UBE2C: variants seen among roughly 807,000 people sequenced by gnomAD.
The protein encoded by UBE2C is ubiquitin-conjugating enzyme E2 C.
In UBE2C, 16 loss-of-function variants were observed where a neutral mutation model predicts 23.5. The ratio of observed to expected loss-of-function variants is 0.68; its 90% CI spans 0.46 to 1.03. UBE2C has a LOEUF of 1.03. Among genes scored for constraint, UBE2C ranks in the 50% least tolerant of loss-of-function variants. The pLI is 0.00. For synonymous variants in UBE2C, 76 were observed against 91.6 expected, an observed-to-expected ratio of 0.83 and a Z score of 0.97; for missense variants, 192 against 227.6, an observed-to-expected ratio of 0.84 and a Z score of 1.01.
intron 1 of UBE2C, 178 bp downstream of exon 1, chr20:45,812,974 G>C: frequency 1.4e-6 from 2 of 1,431,968 alleles, no homozygotes; most frequent in Non-Finnish European, 1.8e-6. Flanking sequence ...TGTCGAGGGC[G>C]GAGACTTCCG....
At chr20:45,816,003 G>A (rs1171960901) in intron 5 of UBE2C, 90 bp downstream of exon 5, 5 of 1,458,242 alleles carry the variant, frequency 3.4e-6, no homozygotes, top group Non-Finnish European at 4.7e-6. Context: ...CTTGGGACCG[G>A]GTTGGTTGGG....
chr20:45,813,322 G>T, intron 1 of UBE2C, 115 bp from the exon 2 acceptor site: 2 of 1,598,696 alleles, frequency 1.3e-6, no homozygotes, highest in Non-Finnish European at 1.7e-6. Flanking sequence ...CCTGACCTTG[G>T]TGATGTGGGG....
At chr20:45,813,613 C>G (rs1226117738) in intron 2 of UBE2C, 149 bp downstream of exon 2, 5 of 999,474 alleles carry the variant, frequency 5.0e-6, no homozygotes, top group Non-Finnish European at 7.8e-6. Context: ...ACCATTTCTT[C>G]CAGCAGTCCC....
Position 45,812,813 on chromosome 20 carries a change from A to C in UBE2C, c.101+17A>C. On this transcript the variant is annotated intron_variant, in intron 1 of 5. Coordinates refer to ENST00000356455, the MANE Select transcript of UBE2C (RefSeq NM_007019.4). ...GGGCAAAAGGTGAGTGATGCGGCCTACCACTCGCCGGGCCTGCCATGCCCT... is the reference window on the plus strand; with the variant it reads ...GGGCAAAAGGTGAGTGATGCGGCCTCCCACTCGCCGGGCCTGCCATGCCCT... 1.3e-6 allele frequency: 2 copies of C among 1,549,454 alleles called. No homozygotes were observed. The highest frequency in any genetic ancestry group is 1.4e-5 in the African/African-American group (1 of 73,220).
chr20:45,813,311 G>C (rs1401518464), intron 1 of UBE2C, 126 bp from the exon 2 acceptor site: 2 of 1,590,150 alleles, frequency 1.3e-6, no homozygotes, highest in African/African-American at 2.7e-5. Context: ...CCTGAGCTGA[G>C]CCTGACCTTG....
chr20:45,813,478 T>C lies in UBE2C; in HGVS notation c.129+14T>C. 6.2e-7 allele frequency: 1 copy of C among 1,614,140 alleles called. No individual in the cohort carries two copies. On this transcript the variant is annotated intron_variant, in intron 2 of 5. Coordinates refer to ENST00000356455, the MANE Select transcript of UBE2C (RefSeq NM_007019.4). Reference sequence around the variant, plus strand: ...ATGACCCTCATGGTGAGTGATTAAGTGCCCAGAACCCCAGCCTTCCATCCA... The same window carrying C: ...ATGACCCTCATGGTGAGTGATTAAGCGCCCAGAACCCCAGCCTTCCATCCA...
chr20:45,813,300 C>T (rs1601039445), intron 1 of UBE2C, 137 bp from the exon 2 acceptor site: 1 of 1,576,294 alleles, frequency 6.3e-7, no homozygotes, highest in Non-Finnish European at 8.6e-7. Flanking sequence ...GGTGAGTATA[C>T]CCTGAGCTGA....
At chr20:45,813,576 G>A (rs919632106) in intron 2 of UBE2C, 112 bp downstream of exon 2, 4 of 1,430,272 alleles carry the variant, frequency 2.8e-6, no homozygotes, top group Non-Finnish European at 3.0e-6. Flanking sequence ...CTCCCTCCTG[G>A]GAAAGAAGTT....
At chr20:45,816,044 C>A in intron 5 of UBE2C, 131 bp downstream of exon 5, 1 of 829,392 alleles carries the variant, frequency 1.2e-6, no homozygotes. Flanking sequence ...CAACCCACTT[C>A]TGTTTCTGCC....
chr20:45,812,819 C>T (rs376204810), intron 1 of UBE2C, 23 bp downstream of exon 1: 18 of 1,546,286 alleles, frequency 1.2e-5, no homozygotes, highest in African/African-American at 9.6e-5. Flanking sequence ...GCCTACCACT[C>T]GCCGGGCCTG....
chr20:45,813,378 AC>A (rs1568713811), intron 1 of UBE2C, 58 bp from the exon 2 acceptor site: 1 of 1,613,392 alleles, frequency 6.2e-7, no homozygotes, highest in Non-Finnish European at 8.5e-7. Flanking sequence ...GAGAAGATGC[AC>A]CGTCTGGAGG....
At chr20:45,815,088 C>T (rs187505577) in intron 3 of UBE2C, among the ~76,000 whole-genome samples, 1,738 of 152,020 alleles carry the variant, frequency 0.011, 42 homozygotes, top group African/African-American at 0.04. Flanking sequence ...CCACCCGCCT[C>T]GGCCTCCCAA....
intron 2 of UBE2C, among the ~76,000 whole-genome samples, chr20:45,814,060 A>G (rs1034193118): frequency 6.6e-6 from 1 of 150,954 alleles, no homozygotes; most frequent in African/African-American, 2.5e-5. Flanking sequence ...AGCCGAGCGC[A>G]CCACTGCACT....
Position 45,812,648 on chromosome 20 carries a change from T to A in UBE2C, c.-48T>A. 1 of 1,545,798 alleles carries A rather than the reference T, an allele frequency of 6.5e-7. No homozygotes were observed. Among genetic ancestry groups the A allele is most frequent in the Non-Finnish European group, 8.8e-7 (1 of 1,142,630 alleles). ...GGCGGGCGGGCCCGCAGTCCTGCAG[T>A]TGCAGTCGTGTTCTCCGAGTTCCTG... On this transcript the variant is annotated 5_prime_UTR_variant, in exon 1 of 6. It adds an upstream start codon to the 5' untranslated region. Coordinates refer to ENST00000356455, the MANE Select transcript of UBE2C (RefSeq NM_007019.4).
Position 45,814,380 on chromosome 20 carries a change from C to G in UBE2C, c.130-4C>G. The G allele has an allele frequency of 6.2e-7, 1 of 1,602,702 alleles. No individual in the cohort carries two copies. On this transcript the variant is annotated splice_region_variant and splice_polypyrimidine_tract_variant and intron_variant, in intron 2 of 5. Coordinates refer to ENST00000356455, the MANE Select transcript of UBE2C (RefSeq NM_007019.4). ...ACATTCCAACAAATGTGTTTTCTCC[C>G]CAGATGTCTGGCGATAAAGGGATTT...
chr20:45,813,114 G>T, intron 1 of UBE2C: 2 of 1,399,582 alleles, frequency 1.4e-6, no homozygotes, highest in Non-Finnish European at 1.8e-6. Context: ...TCCCTGGTGG[G>T]CCTAGATGAA....
intron 3 of UBE2C, among the ~76,000 whole-genome samples, chr20:45,815,236 A>C (rs1259881392): frequency 6.6e-6 from 1 of 152,080 alleles, no homozygotes; most frequent in African/African-American, 2.4e-5. Context: ...GGAAAGCATC[A>C]GGCTAGGCAT....
At chr20:45,814,871 G>A (rs1601044104) in intron 3 of UBE2C, among the ~76,000 whole-genome samples, 1 of 145,488 alleles carries the variant, frequency 6.9e-6, no homozygotes, top group South Asian at 2.2e-4. Flanking sequence ...TCGCTCTGTC[G>A]CCCAGGCCAG....
intron 1 of UBE2C, chr20:45,813,195 G>A: frequency 7.0e-7 from 1 of 1,424,328 alleles, no homozygotes; most frequent in East Asian, 2.6e-5. Flanking sequence ...AGGAAGAGAT[G>A]CTAAAGCCTG....
Sources: gnomAD v4.1 joint callset for allele counts (sites outside exome capture counted in the v4.1 genomes callset) on GRCh38, gnomAD v4.1.1 for gene constraint, MANE v1.5 for transcripts, NCBI Gene and HGNC (gene_info 2026-07-23, HGNC 2026-07-21) for gene names.